Variants in CNTN5 observed in about 807,000 individuals in gnomAD.
The protein encoded by CNTN5 is contactin 5, also known as contactin-5.
Under a neutral mutation model 129.1 loss-of-function variants are expected in CNTN5, and 77 were observed. The observed-to-expected ratio is 0.60, with a 90% CI of 0.50 to 0.72. CNTN5 has a LOEUF of 0.72. Among genes scored for constraint, CNTN5 ranks in the 30% least tolerant of loss-of-function variants. The pLI, the probability that CNTN5 is intolerant of heterozygous loss-of-function variation, is 0.00. For synonymous variants in CNTN5, 509 were observed against 465.6 expected, an observed-to-expected ratio of 1.09 and a Z score of -1.20; for missense variants, 1,478 against 1,328.8, an observed-to-expected ratio of 1.11 and a Z score of -1.75.
At chr11:100,261,940 T>C (rs923461351) in intron 17 of CNTN5, among the ~76,000 whole-genome samples, 5 of 152,190 alleles carry the variant, frequency 3.3e-5, no homozygotes, top group South Asian at 2.1e-4. Context: ...AAGCCAAAAT[T>C]GGAAAATGGG....
At chr11:99,159,903 T>C (rs920068873) in intron 1 of CNTN5, among the ~76,000 whole-genome samples, 1 of 152,212 alleles carries the variant, frequency 6.6e-6, no homozygotes, top group Non-Finnish European at 1.5e-5. Flanking sequence ...AACACAAGAA[T>C]TGCTTTAATT....
chr11:99,035,662 G>A (rs1863683181), intron 1 of CNTN5, among the ~76,000 whole-genome samples: 1 of 151,630 alleles, frequency 6.6e-6, no homozygotes, highest in Admixed American at 6.6e-5. Flanking sequence ...GCCTATGTGT[G>A]TCTCTGCAAG....
intron 2 of CNTN5, among the ~76,000 whole-genome samples, chr11:99,452,395 C>T (rs1420692663): frequency 2.9e-4 from 10 of 34,736 alleles, no homozygotes; most frequent in African/African-American, 3.7e-4. Context: ...TTTTTTGGGA[C>T]GGAGTCTGGT....
At position 99,044,305 on chromosome 11, in the gene CNTN5, CA is replaced by C. The variant is rs34148902; in HGVS notation, c.-210+23040del. On this transcript the variant is annotated intron_variant, in intron 1 of 24. Transcript: ENST00000524871. ...TTGGTAACTATCCCTTTATAAGTCC[CA>C]AAAAGCCAGTTGTGAATTTGGAATT... Among the ~76,000 whole-genome samples the C allele has an allele frequency of 9.1e-4, 139 of 152,048 alleles. 2 individuals are homozygous for C. Among genetic ancestry groups the C allele is most frequent in the Non-Finnish European group, 1.5e-5 (1 of 67,996 alleles).
intron 2 of CNTN5, among the ~76,000 whole-genome samples, chr11:99,362,586 T>C (rs1038012225): frequency 6.6e-6 from 1 of 152,004 alleles, no homozygotes; most frequent in Non-Finnish European, 1.5e-5. Context: ...TTTATATGTT[T>C]TCTTCTAAGA....
intron 1 of CNTN5, among the ~76,000 whole-genome samples, chr11:99,172,760 G>A (rs1861204621): frequency 6.6e-6 from 1 of 152,186 alleles, no homozygotes; most frequent in Admixed American, 6.5e-5. Flanking sequence ...TGTCCTAGTT[G>A]GGGAATTAGA....
chr11:99,307,652 A>T (rs1258106381), intron 1 of CNTN5, among the ~76,000 whole-genome samples: 1 of 152,160 alleles, frequency 6.6e-6, no homozygotes, highest in South Asian at 2.1e-4. Flanking sequence ...AAAGGCTGAG[A>T]GGTCTTGACA....
intron 1 of CNTN5, among the ~76,000 whole-genome samples, chr11:99,207,401 T>C (rs1859538505): frequency 6.6e-6 from 1 of 152,124 alleles, no homozygotes; most frequent in Admixed American, 6.6e-5. Flanking sequence ...AATTGTATCA[T>C]ATTGCTGAAG....
chr11:99,734,406 G>A (rs576204735), intron 3 of CNTN5, among the ~76,000 whole-genome samples: 2 of 152,176 alleles, frequency 1.3e-5, no homozygotes, highest in Admixed American at 6.5e-5. Context: ...AGAGGTACCT[G>A]GCCATGTTAG....
chr11:100,090,746 T>C (rs974465632), intron 13 of CNTN5, among the ~76,000 whole-genome samples: 2 of 151,792 alleles, frequency 1.3e-5, no homozygotes, highest in Admixed American at 1.3e-4. Flanking sequence ...TTTTTGTCTT[T>C]AATATCTATC....
intron 7 of CNTN5, among the ~76,000 whole-genome samples, chr11:99,918,027 T>TC (rs1246428414): frequency 6.6e-6 from 1 of 152,122 alleles, no homozygotes; most frequent in Non-Finnish European, 1.5e-5. Flanking sequence ...CTTCTTATTT[T>TC]CTGAACAGCA....
intron 9 of CNTN5, among the ~76,000 whole-genome samples, chr11:100,010,326 GA>G (rs928092889): frequency 2.7e-4 from 41 of 151,952 alleles, no homozygotes; most frequent in Middle Eastern, 3.4e-3. Context: ...GGTAAGGGGG[GA>G]AAAAAAGAAT....
chr11:99,693,408 A>T (rs1353626787), intron 3 of CNTN5, among the ~76,000 whole-genome samples: 3 of 152,092 alleles, frequency 2.0e-5, no homozygotes, highest in Non-Finnish European at 2.9e-5. Context: ...TACATAGTAC[A>T]AAAGAAGTTA....
At chr11:99,827,860 T>G (rs1043033640) in intron 4 of CNTN5, among the ~76,000 whole-genome samples, 2 of 152,290 alleles carry the variant, frequency 1.3e-5, no homozygotes, top group Non-Finnish European at 2.9e-5. Flanking sequence ...CTATTTTTCT[T>G]TGATCGGTCA....
chr11:99,107,039 A>AT (rs1050317186), intron 1 of CNTN5, among the ~76,000 whole-genome samples: 75 of 152,286 alleles, frequency 4.9e-4, no homozygotes, highest in African/African-American at 1.8e-3. Context: ...GAAGGTACCT[A>AT]TCCAAAATGC....
intron 7 of CNTN5, among the ~76,000 whole-genome samples, chr11:99,941,738 C>A (rs1288577347): frequency 2.0e-5 from 3 of 151,908 alleles, no homozygotes; most frequent in African/African-American, 7.3e-5. Flanking sequence ...CTGGGGAATG[C>A]GTGTTTGAGG....
intron 3 of CNTN5, among the ~76,000 whole-genome samples, chr11:99,757,557 T>C (rs545151444): frequency 1.5e-4 from 23 of 152,188 alleles, no homozygotes; most frequent in African/African-American, 4.8e-4. Context: ...GGACCCATAC[T>C]ATAAGTGCCC....
chr11:99,283,325 A>G (rs765038858), intron 1 of CNTN5, among the ~76,000 whole-genome samples: 2 of 152,114 alleles, frequency 1.3e-5, no homozygotes, highest in Non-Finnish European at 2.9e-5. Context: ...CTTTTTCGCT[A>G]AAAATTTTAG....
chr11:99,319,641 T>C (rs1325313708), intron 1 of CNTN5, among the ~76,000 whole-genome samples: 1 of 152,218 alleles, frequency 6.6e-6, no homozygotes, highest in African/African-American at 2.4e-5. Context: ...ATATACATTA[T>C]TGACATCAAT....
Sources: gnomAD v4.1 joint callset for allele counts (sites outside exome capture counted in the v4.1 genomes callset) on GRCh38, gnomAD v4.1.1 for gene constraint, MANE v1.5 for transcripts, NCBI Gene and HGNC (gene_info 2026-07-23, HGNC 2026-07-21) for gene names.